ADGRE2: variants seen among roughly 807,000 people sequenced by gnomAD.
ADGRE2 encodes the protein CD97 antigen.
A neutral mutation model predicts 100.8 loss-of-function variants in ADGRE2; 83 were observed. The ratio of observed to expected loss-of-function variants is 0.82; its 90% CI spans 0.69 to 0.99. ADGRE2 has a LOEUF of 0.99. Among genes scored for constraint, ADGRE2 ranks in the 50% least tolerant of loss-of-function variants. ADGRE2 has a pLI of 0.00. For synonymous variants in ADGRE2, 355 were observed against 413.0 expected (o/e 0.86, Z 1.70); for missense variants, 814 against 1,035.7 (o/e 0.79, Z 2.94).
At chr19:14,759,686 G>C (rs939052140) in intron 11 of ADGRE2, among the ~76,000 whole-genome samples, 1 of 151,474 alleles carries the variant, frequency 6.6e-6, no homozygotes, top group African/African-American at 2.4e-5. Flanking sequence ...TAATAGCCAG[G>C]GTTTCACCAT....
At chr19:14,757,889 C>T (rs1046371733) in intron 11 of ADGRE2, among the ~76,000 whole-genome samples, 4 of 152,164 alleles carry the variant, frequency 2.6e-5, no homozygotes, top group East Asian at 3.8e-4. Flanking sequence ...CTGCAACCTC[C>T]GTGTCCCAGG....
chr19:14,724,543 A>C, the ADGRE2 span, among the ~76,000 whole-genome samples: 1 of 152,210 alleles, frequency 6.6e-6, no homozygotes, highest in Non-Finnish European at 1.5e-5. Flanking sequence ...AGGCGGGTGG[A>C]TCACCTGAGG....
chr19:14,728,626 A>G (rs1599766319), downstream of ADGRE2, among the ~76,000 whole-genome samples: 1 of 152,202 alleles, frequency 6.6e-6, no homozygotes, highest in Non-Finnish European at 1.5e-5. Context: ...AGACCTGGGA[A>G]TGAGTGACCT....
rs1377312067 is a variant in ADGRE2 at position 14,736,255 on chromosome 19, T to C, written c.2464-11A>G. On this transcript the variant is annotated splice_polypyrimidine_tract_variant and intron_variant, in intron 20 of 20. Coordinates refer to ENST00000315576, the MANE Select transcript of ADGRE2 (RefSeq NM_013447.4). Reference sequence around the variant, plus strand: ...ATTTTTCTAGTTAACCTGAAATATATATATATGTATGTATTTTGTTGTTGA... The same window carrying C: ...ATTTTTCTAGTTAACCTGAAATATACATATATGTATGTATTTTGTTGTTGA... The C allele has an allele frequency of 6.6e-7, 1 of 1,521,220 alleles. No homozygotes were observed. Among genetic ancestry groups the C allele is most frequent in the South Asian group, 1.1e-5 (1 of 87,808 alleles). The allele number at this position is 1,521,220 out of a possible 1,614,324, so 94.2% of individuals were successfully genotyped here. A position where few individuals can be genotyped will look rare whatever the true frequency, so the allele number is the denominator to read the frequency against.
intron 1 of ADGRE2, among the ~76,000 whole-genome samples, chr19:14,777,464 T>C (rs1235947169): frequency 1.4e-5 from 2 of 148,146 alleles, no homozygotes; most frequent in African/African-American, 5.0e-5. Context: ...GCTCGGTTTC[T>C]TTCTTTCTTT....
chr19:14,772,753 A>G (rs529481850), intron 4 of ADGRE2, among the ~76,000 whole-genome samples: 2 of 150,126 alleles, frequency 1.3e-5, no homozygotes, highest in Admixed American at 1.3e-4. Context: ...AGGAAGCGCC[A>G]TATCCCCATC....
intron 6 of ADGRE2, 45 bp downstream of exon 6, chr19:14,766,933 C>T (rs754078642): frequency 3.2e-6 from 5 of 1,578,096 alleles, no homozygotes; most frequent in Non-Finnish European, 4.3e-6. Context: ...TCAGCTCCAT[C>T]CCCAGCTCCC....
intron 14 of ADGRE2, among the ~76,000 whole-genome samples, chr19:14,753,788 T>TAAAAA (rs58085048): frequency 4.2e-4 from 60 of 141,276 alleles, no homozygotes; most frequent in Non-Finnish European, 7.9e-4. Flanking sequence ...AGACCCTGTC[T>TAAAAA]AAAAAAAAAA....
chr19:14,772,288 G>C, intron 5 of ADGRE2, 54 bp downstream of exon 5: 1 of 1,608,146 alleles, frequency 6.2e-7, no homozygotes, highest in African/African-American at 1.3e-5. Context: ...AAACAGCTCT[G>C]GTGACCCCAA....
intron 18 of ADGRE2, among the ~76,000 whole-genome samples, chr19:14,745,309 A>G (rs978005624): frequency 6.6e-6 from 1 of 152,182 alleles, no homozygotes; most frequent in Non-Finnish European, 1.5e-5. Context: ...TTGTGGGGAC[A>G]TATGTGATAT....
At chr19:14,739,962 G>T (rs923734334) in intron 20 of ADGRE2, among the ~76,000 whole-genome samples, 3 of 151,954 alleles carry the variant, frequency 2.0e-5, no homozygotes, top group Admixed American at 1.3e-4. Flanking sequence ...TTAGCCAGGC[G>T]TGGTGGCGGG....
In ADGRE2 at chr19:14,773,853, C is replaced by T. The variant is rs538855809; in HGVS notation, c.199+85G>A. ...AGTCTGGAAGGTAAGGCTGTGGCCC[C>T]TCACAACAACCTCTGTCCCCCACTG... is the stretch of plus-strand genomic sequence containing the variant. On this transcript the variant is annotated intron_variant, in intron 4 of 20. Transcript: ENST00000315576. 26 of 1,268,178 alleles carry T rather than the reference C, an allele frequency of 2.1e-5. No individual in the cohort carries two copies. The African/African-American group carries it at 3.8e-4, about 19-fold the overall frequency. The allele number at this position is 1,268,178 out of a possible 1,614,324, so 78.6% of individuals were successfully genotyped here.
chr19:14,773,877 T>G, intron 4 of ADGRE2, 61 bp downstream of exon 4: 2 of 1,465,044 alleles, frequency 1.4e-6, no homozygotes, highest in Non-Finnish European at 1.9e-6. Context: ...TGTCCCCCAC[T>G]GGCACTGGGC....
downstream of ADGRE2, among the ~76,000 whole-genome samples, chr19:14,730,459 T>TTTTTCTTCCATCTTC: frequency 6.6e-6 from 1 of 150,914 alleles, no homozygotes; most frequent in East Asian, 1.9e-4. Flanking sequence ...TCCCTTCCTC[T>TTTTTCTTCCATCTTC]CTTTCTTTCA....
chr19:14,753,799 A>G (rs955548878), intron 14 of ADGRE2, among the ~76,000 whole-genome samples: 2 of 152,088 alleles, frequency 1.3e-5, no homozygotes, highest in Admixed American at 6.5e-5. Context: ...AAAAAAAAAA[A>G]AAAGGCAGAG....
rs2214472 is a variant in ADGRE2, at chr19:14,733,893, C to T, written c.*2343G>A. 34,037 of 152,072 alleles carry T rather than the reference C, an allele frequency of 0.22. 4,041 individuals are homozygous for T. The highest frequency in any genetic ancestry group is 0.26 in the Non-Finnish European group (17,687 of 68,030). The allele number at this position is 152,072 out of a possible 1,614,324, so 9.4% of individuals were successfully genotyped here. A position where few individuals can be genotyped will look rare whatever the true frequency, so the allele number is the denominator to read the frequency against. The stretch of plus-strand genomic sequence containing the variant: ...AAAAGTAGAGGTACCAGGTTGCCAA[C>T]AATGGTTACTTGGGGGGTAGCATTC... On this transcript the variant is annotated 3_prime_UTR_variant, in exon 21 of 21. Transcript: ENST00000315576.
chr19:14,730,963 G>A (rs8106583), downstream of ADGRE2, among the ~76,000 whole-genome samples: 12,344 of 151,740 alleles, frequency 0.081, 1,728 homozygotes, highest in African/African-American at 0.28. Flanking sequence ...GCATTCATGT[G>A]GCTGCAAAAC....
At chr19:14,776,995 CA>C in intron 1 of ADGRE2, 68 bp from the exon 2 acceptor site, 1 of 1,368,210 alleles carries the variant, frequency 7.3e-7, no homozygotes, top group Non-Finnish European at 9.4e-7. Flanking sequence ...CACACACACA[CA>C]CACACACACA....
chr19:14,758,667 G>C (rs1299221892), intron 11 of ADGRE2, among the ~76,000 whole-genome samples: 1 of 152,126 alleles, frequency 6.6e-6, no homozygotes, highest in East Asian at 1.9e-4. Flanking sequence ...GGAGGATCAC[G>C]AGGTCAGGAG....
Sources: gnomAD v4.1 joint callset for allele counts (sites outside exome capture counted in the v4.1 genomes callset) on GRCh38, gnomAD v4.1.1 for gene constraint, MANE v1.5 for transcripts, NCBI Gene and HGNC (gene_info 2026-07-23, HGNC 2026-07-21) for gene names.